The following APOBEC2 variants were observed in gnomAD, a reference collection of about 807,000 sequenced individuals.
APOBEC2 encodes apolipoprotein B mRNA editing enzyme catalytic subunit 2, also known as C->U-editing enzyme APOBEC-2.
A neutral mutation model predicts 19.4 loss-of-function variants in APOBEC2; 14 were observed. The observed-to-expected ratio is 0.72, with a 90% CI of 0.48 to 1.13. The LOEUF is 1.13. Among genes scored for constraint, APOBEC2 ranks in the 50% most tolerant of loss-of-function variants. The pLI is 0.00. For synonymous variants in APOBEC2, 127 were observed against 112.1 expected (o/e 1.13, Z -0.84); for missense variants, 304 against 277.0 (o/e 1.10, Z -0.69).
chr6:41,063,051 C>T (rs748914411), intron 2 of APOBEC2, among the ~76,000 whole-genome samples: 1 of 152,204 alleles, frequency 6.6e-6, no homozygotes, highest in Non-Finnish European at 1.5e-5. Context: ...ACTCCTAACA[C>T]CCTTAAGAGA....
chr6:41,058,272 A>ACC lies in APOBEC2; in HGVS notation c.132-3053_132-3052dup, dbSNP rs1762825107. On this transcript the variant is annotated intron_variant, in intron 1 of 2. Transcript: ENST00000244669. ...CTACTGACCACCACCCACCACCACC[A>ACC]CCCCACCACACACCCACACACACAC... Among the ~76,000 whole-genome samples the ACC allele has an allele frequency of 2.3e-5, 3 of 128,446 alleles. No homozygotes were observed. In the South Asian group the frequency reaches 7.8e-4, roughly 33 times the overall value. The allele number at this position is 128,446 out of a possible 152,430, so 84.3% of individuals were successfully genotyped here. A position where few individuals can be genotyped will look rare whatever the true frequency, so the allele number is the denominator to read the frequency against.
At chr6:41,062,932 G>A (rs951026570) in intron 2 of APOBEC2, among the ~76,000 whole-genome samples, 1 of 152,068 alleles carries the variant, frequency 6.6e-6, no homozygotes, top group African/African-American at 2.4e-5. Context: ...TAATAGAGGA[G>A]GGGTACTCAC....
intron 1 of APOBEC2, among the ~76,000 whole-genome samples, chr6:41,060,553 G>C (rs1201087207): frequency 6.6e-6 from 1 of 152,198 alleles, no homozygotes; most frequent in East Asian, 1.9e-4. Flanking sequence ...GGAGGGCAGA[G>C]ACCAAGTCCT....
intron 1 of APOBEC2, 131 bp downstream of exon 1, chr6:41,053,609 G>A: frequency 1.4e-6 from 2 of 1,390,536 alleles, no homozygotes; most frequent in Non-Finnish European, 1.9e-6. Context: ...GAGTGCACCA[G>A]TGGGCCCGGC....
chr6:41,062,125 C>G (rs1478658849), intron 2 of APOBEC2, among the ~76,000 whole-genome samples: 1 of 152,208 alleles, frequency 6.6e-6, no homozygotes, highest in African/African-American at 2.4e-5. Context: ...ACTTAGAATA[C>G]TCAAGGTTGA....
At chr6:41,061,994 AAGGGTTT>A in intron 2 of APOBEC2, 102 bp downstream of exon 2, 1 of 1,137,998 alleles carries the variant, frequency 8.8e-7, no homozygotes, top group African/African-American at 1.6e-5. Context: ...TTTCCTTTGG[AAGGGTTT>A]CATTTCTCTG....
intron 1 of APOBEC2, among the ~76,000 whole-genome samples, chr6:41,055,122 CAGAG>C (rs1762778176): frequency 6.6e-6 from 1 of 152,180 alleles, no homozygotes; most frequent in Non-Finnish European, 1.5e-5. Context: ...AACTGAGACT[CAGAG>C]AGATTGAATG....
chr6:41,061,749 G>A lies in APOBEC2; in HGVS notation c.553G>A (p.Glu185Lys), dbSNP rs1065197. The part of the protein sequence containing the change: ...KLRIMKPQDF[E>K]YVWQNFVEQE... Reference sequence around the variant, plus strand: ...GCGCATCATGAAGCCCCAGGACTTCGAATATGTCTGGCAGAATTTTGTGGA... The same window carrying A: ...GCGCATCATGAAGCCCCAGGACTTCAAATATGTCTGGCAGAATTTTGTGGA... Residue 185 changes from glutamate to lysine, a missense_variant, in exon 2 of 3, where the codon GAA becomes AAA. Coordinates refer to ENST00000244669, the MANE Select transcript of APOBEC2 (RefSeq NM_006789.4). 14 of 1,614,074 alleles carry A rather than the reference G, an allele frequency of 8.7e-6. No homozygotes were observed. The highest frequency in any genetic ancestry group is 3.3e-5 in the South Asian group (3 of 91,086).
At chr6:41,056,925 A>C (rs1199874315) in intron 1 of APOBEC2, among the ~76,000 whole-genome samples, 1 of 152,122 alleles carries the variant, frequency 6.6e-6, no homozygotes, top group East Asian at 1.9e-4. Context: ...CTGCTTCTGG[A>C]CACAGCACGT....
At chr6:41,057,132 G>T (rs1366043152) in intron 1 of APOBEC2, among the ~76,000 whole-genome samples, 3 of 152,200 alleles carry the variant, frequency 2.0e-5, no homozygotes, top group Admixed American at 1.3e-4. Context: ...GGCACACAGA[G>T]TGATTCTTCT....
chr6:41,061,332 C>G lies in APOBEC2; in HGVS notation c.136C>G (p.Arg46Gly). ...TTTTGTCTCCTTGACCTACAGAGAA[C>G]GGCTGCCTGCCAACTTCTTTAAATT... ...LPPFEIVTGE[R>G]LPANFFKFQF... Residue 46 changes from arginine (R) to glycine (G), a missense_variant, in exon 2 of 3, where the codon CGG becomes GGG. By Grantham distance (125) the Arg-to-Gly change is moderately radical. Coordinates refer to ENST00000244669, the MANE Select transcript of APOBEC2 (RefSeq NM_006789.4). 6.6e-7 allele frequency: 1 copy of G among 1,526,122 alleles called. No homozygotes were observed. The highest frequency in any genetic ancestry group is 8.8e-7 in the Non-Finnish European group (1 of 1,137,884). 94.5% of individuals were successfully genotyped at this position (1,526,122 alleles called of 1,614,324 possible).
rs144963628 is a variant in APOBEC2 at position 41,061,437 on chromosome 6, G to T, written c.241G>T (p.Gly81Cys). The T allele has an allele frequency of 3.7e-5, 60 of 1,612,986 alleles. No homozygotes were observed. Among genetic ancestry groups the T allele is most frequent in the Non-Finnish European group, 4.9e-5 (58 of 1,179,534 alleles). The change falls in exon 2 of 3, where the codon GGC becomes TGC. Residue 81 changes from glycine to cysteine, a missense_variant. Physicochemically the swap from Gly to Cys is radical, Grantham distance 159. Transcript: ENST00000244669. ...CYVVEAQGKG[G>C]QVQASRGYLE... Reference sequence around the variant, plus strand: ...TGTGGTTGAAGCACAGGGCAAGGGGGGCCAAGTGCAGGCATCTCGGGGATA... The same window carrying T: ...TGTGGTTGAAGCACAGGGCAAGGGGTGCCAAGTGCAGGCATCTCGGGGATA...
At chr6:41,054,599 C>T (rs553085831) in intron 1 of APOBEC2, among the ~76,000 whole-genome samples, 1 of 152,302 alleles carries the variant, frequency 6.6e-6, no homozygotes, top group South Asian at 2.1e-4. Flanking sequence ...TCAAGAGAAC[C>T]TAAGGGAAAA....
intron 2 of APOBEC2, 34 bp downstream of exon 2, chr6:41,061,926 T>G: frequency 6.5e-7 from 1 of 1,547,274 alleles, no homozygotes. Flanking sequence ...ACCAACACTT[T>G]ATTATGTTAA....
Position 41,053,395 on chromosome 6 carries a change from G to C in APOBEC2, c.48G>C (p.Gln16His), listed in dbSNP as rs763600040. 6.2e-7 allele frequency: 1 copy of C among 1,614,016 alleles called. No homozygotes were observed. The highest frequency in any genetic ancestry group is 8.5e-7 in the Non-Finnish European group (1 of 1,180,042). ...EAAVATEAAS[Q>H]NGEDLENLDD... ...CTGTGGCCACTGAGGCTGCCTCCCAGAATGGGGAGGATCTGGAGAACCTGG... is the reference window on the plus strand; with the variant it reads ...CTGTGGCCACTGAGGCTGCCTCCCACAATGGGGAGGATCTGGAGAACCTGG... The change falls in exon 1 of 3, where the codon CAG becomes CAC. Residue 16 changes from glutamine to histidine, a missense_variant. Physicochemically the swap from Gln to His is conservative, Grantham distance 24 (BLOSUM62 0). Transcript: ENST00000244669.
intron 1 of APOBEC2, 65 bp from the exon 2 acceptor site, chr6:41,061,263 C>G (rs1440911493): frequency 7.2e-7 from 1 of 1,383,740 alleles, no homozygotes; most frequent in Non-Finnish European, 9.6e-7. Context: ...GCTACCTACT[C>G]TAGGCTGGTT....
chr6:41,055,797 G>A (rs574550039), intron 1 of APOBEC2, among the ~76,000 whole-genome samples: 23 of 152,330 alleles, frequency 1.5e-4, no homozygotes, highest in South Asian at 8.3e-4. Context: ...TAAGCCTGCC[G>A]TAGCGTGCTG....
In APOBEC2 at chr6:41,061,654, G is replaced by A. The variant is rs766919482; in HGVS notation, c.458G>A (p.Arg153Gln). The A allele has an allele frequency of 2.0e-5, 33 of 1,614,094 alleles. 1 individual carries two copies. In the South Asian group the frequency reaches 3.1e-4, roughly 15 times the overall value. The stretch of plus-strand genomic sequence containing the variant: ...CTGCGTCTGCTCATTCTGGTGGGTC[G>A]ACTCTTCATGTGGGAGGAGCCGGAG... ...KNLRLLILVG[R>Q]LFMWEEPEIQ... The change falls in exon 2 of 3, where the codon CGA (arginine) becomes CAA (glutamine). Residue 153 changes from arginine (R) to glutamine (Q), a missense_variant. Physicochemically the swap from Arg to Gln is conservative, Grantham distance 43. Coordinates refer to ENST00000244669, the MANE Select transcript of APOBEC2 (RefSeq NM_006789.4).
At position 41,061,641 on chromosome 6, in the gene APOBEC2, A is replaced by T. The variant is rs199524701; in HGVS notation, c.445A>T (p.Ile149Phe). ...LSKTKNLRLL[I>F]LVGRLFMWEE... ...CAAGACCAAGAACCTGCGTCTGCTC[A>T]TTCTGGTGGGTCGACTCTTCATGTG... The change falls in exon 2 of 3, where the codon ATT becomes TTT. Residue 149 changes from isoleucine to phenylalanine, a missense_variant. Ile to Phe is a conservative substitution (Grantham distance 21). Transcript: ENST00000244669. The T allele has an allele frequency of 4.3e-6, 7 of 1,614,250 alleles. No individual in the cohort carries two copies. The Admixed American group carries it at 6.7e-5, about 15-fold the overall frequency.
Sources: gnomAD v4.1 joint callset for allele counts (sites outside exome capture counted in the v4.1 genomes callset) on GRCh38, gnomAD v4.1.1 for gene constraint, MANE v1.5 for transcripts, NCBI Gene and HGNC (gene_info 2026-07-23, HGNC 2026-07-21) for gene names.